Variants in TAF1 observed in about 807,000 individuals in gnomAD.
TAF1 encodes transcription initiation factor TFIID subunit 1.
TAF1 carries 2 observed loss-of-function variants against 138.5 expected under a neutral mutation model. The ratio of observed to expected loss-of-function variants is 0.01; its 90% CI spans 0.01 to 0.05. TAF1 has a LOEUF of 0.05. Among genes scored for constraint, TAF1 ranks in the 10% least tolerant of loss-of-function variants. TAF1 has a pLI of 1.00. For synonymous variants in TAF1, 437 were observed against 503.2 expected (o/e 0.87, Z 1.76); for missense variants, 709 against 1,478.0 (o/e 0.48, Z 8.53).
chrX:71,387,171 G>A, intron 14 of TAF1, 90 bp from the exon 15 acceptor site: 2 of 933,347 alleles, frequency 2.1e-6, no homozygotes, highest in East Asian at 3.1e-5. Context: ...TTAAGATGGA[G>A]AGCAATAAGC....
chrX:71,398,740 A>G lies in TAF1; in HGVS notation c.3786+3A>G, dbSNP rs1786812170. The stretch of plus-strand genomic sequence containing the variant: ...TGAAGGAGCGTCCTGACCTAAAAGT[A>G]AGTATAATGTGGTGTGATTACAGCT... On this transcript the variant is annotated splice_donor_region_variant and intron_variant, in intron 24 of 37. Transcript: ENST00000423759. 1 of 1,198,329 alleles carries G rather than the reference A, an allele frequency of 8.3e-7. No homozygotes were observed. The highest frequency in any genetic ancestry group is 1.1e-6 in the Non-Finnish European group (1 of 891,048).
At chrX:71,407,308 C>A (rs2035526805) in intron 26 of TAF1, among the ~76,000 whole-genome samples, 1 of 105,799 alleles carries the variant, frequency 9.5e-6, no homozygotes, top group African/African-American at 3.5e-5. Flanking sequence ...CCCTTTGCCT[C>A]CCAGGTTCAA....
In TAF1 at chrX:71,479,432, C is replaced by T. The variant is rs184969690; in HGVS notation, c.1366+18629C>T. On this transcript the variant is annotated intron_variant and NMD_transcript_variant, in intron 13 of 14. Transcript: ENST00000373775. ...ACTAAAAATACAAAAATTAGCCGGG[C>T]GTGGTGGCGCATGCCTGCAGTCCTA... is the stretch of plus-strand genomic sequence containing the variant. 4.4e-4 allele frequency among the ~76,000 whole-genome samples: 49 copies of T among 111,088 alleles called. 1 individual carries two copies. The highest frequency in any genetic ancestry group is 1.6e-3 in the African/African-American group (48 of 30,599).
At chrX:71,436,290 A>C (rs1444285860) in intron 32 of TAF1, among the ~76,000 whole-genome samples, 1 of 98,329 alleles carries the variant, frequency 1.0e-5, no homozygotes, top group African/African-American at 3.8e-5. Flanking sequence ...ATCTCGGCTC[A>C]CTGCAAGCTC....
intron 37 of TAF1, among the ~76,000 whole-genome samples, chrX:71,462,830 G>T (rs1318264177): frequency 3.6e-5 from 4 of 111,029 alleles, no homozygotes; most frequent in Non-Finnish European, 7.5e-5. Context: ...ATCCCCTTTG[G>T]CCCAAAAAAT....
intron 34 of TAF1, among the ~76,000 whole-genome samples, chrX:71,455,725 A>G (rs760084162): frequency 1.8e-5 from 2 of 112,437 alleles, no homozygotes; most frequent in East Asian, 2.8e-4. Context: ...TTTGCCTGAC[A>G]CATCTTTATC....
chrX:71,399,683 C>T (rs774069601), intron 24 of TAF1, among the ~76,000 whole-genome samples: 26 of 106,497 alleles, frequency 2.4e-4, no homozygotes, highest in Non-Finnish European at 4.1e-4. Flanking sequence ...GCGATTCTTG[C>T]GCCTCAGCCT....
At chrX:71,510,534 C>T (rs2039712683) in intron 13 of TAF1, among the ~76,000 whole-genome samples, 2 of 111,558 alleles carry the variant, frequency 1.8e-5, no homozygotes, top group South Asian at 3.7e-4. Context: ...CAGATGGTGC[C>T]GCTATCAAGC....
chrX:71,417,848 C>G (rs2036107896), intron 28 of TAF1, among the ~76,000 whole-genome samples: 1 of 111,270 alleles, frequency 9.0e-6, no homozygotes, highest in Non-Finnish European at 1.9e-5. Flanking sequence ...CAATATATTC[C>G]TCTATTTATA....
chrX:71,501,285 G>A (rs1457040776), intron 13 of TAF1, among the ~76,000 whole-genome samples: 1 of 109,774 alleles, frequency 9.1e-6, no homozygotes, highest in Admixed American at 9.9e-5. Flanking sequence ...ATTCCAGATA[G>A]TGTCCCCCCA....
chrX:71,449,640 G>A (rs2037862713), intron 32 of TAF1, among the ~76,000 whole-genome samples: 1 of 112,399 alleles, frequency 8.9e-6, no homozygotes, highest in African/African-American at 3.2e-5. Context: ...TAATTTATAG[G>A]CTGGGGTTTT....
chrX:71,381,618 C>T (rs1569281102), intron 8 of TAF1, 125 bp from the exon 9 acceptor site: 1 of 728,504 alleles, frequency 1.4e-6, no homozygotes, highest in Non-Finnish European at 2.0e-6. Context: ...TTTCAGTGGA[C>T]ACATGAATAA....
intron 30 of TAF1, 84 bp from the exon 31 acceptor site, chrX:71,423,890 G>T: frequency 1.3e-6 from 1 of 752,281 alleles, no homozygotes; most frequent in Non-Finnish European, 1.9e-6. Flanking sequence ...CTTTTTTTAG[G>T]AATATTTGTA....
Position 71,423,021 on chromosome X carries a change from C to T in TAF1, c.4453-96C>T, listed in dbSNP as rs950251064. ...CCTCCCAAAGTGCTGGGATTACAGG[C>T]GTGAGCCACCACGCCCGGCAAATTG... is the stretch of plus-strand genomic sequence containing the variant. On this transcript the variant is annotated intron_variant, in intron 29 of 37. Coordinates refer to ENST00000423759, the MANE Select transcript of TAF1 (RefSeq NM_004606.5). 5.4e-6 allele frequency: 6 copies of T among 1,116,340 alleles called. No individual in the cohort carries two copies. The Middle Eastern group carries it at 1.2e-3, about 214-fold the overall frequency. 92.0% of individuals were successfully genotyped at this position (1,116,340 alleles called of 1,213,427 possible). A position where few individuals can be genotyped will look rare whatever the true frequency, so the allele number is the denominator to read the frequency against.
chrX:71,366,502 GGTGGGCGTGGGGGTAGGGCTC>G lies in TAF1; in HGVS notation c.120+10_120+30del. ...GAAAGCGTCTTGGATGATGTGAGGG[GGTGGGCGTGGGGGTAGGGCTC>G]GGGGGGTGGGGCTAAGCAGAGGAAG... On this transcript the variant is annotated intron_variant, in intron 1 of 37. Coordinates refer to ENST00000423759, the MANE Select transcript of TAF1 (RefSeq NM_004606.5). 1 of 1,112,970 alleles carries G rather than the reference GGTGGGCGTGGGGGTAGGGCTC, an allele frequency of 9.0e-7. No homozygotes were observed. The highest frequency in any genetic ancestry group is 2.8e-5 in the Admixed American group (1 of 35,555). The allele number at this position is 1,112,970 out of a possible 1,213,427, so 91.7% of individuals were successfully genotyped here. A position where few individuals can be genotyped will look rare whatever the true frequency, so the allele number is the denominator to read the frequency against.
chrX:71,447,501 G>A (rs1463890422), intron 32 of TAF1, among the ~76,000 whole-genome samples: 3 of 110,637 alleles, frequency 2.7e-5, no homozygotes, highest in Non-Finnish European at 5.7e-5. Flanking sequence ...TCAGGAGTTC[G>A]AGACCAGCCT....
At chrX:71,525,191 G>A (rs955049055) in intron 13 of TAF1, among the ~76,000 whole-genome samples, 5 of 109,043 alleles carry the variant, frequency 4.6e-5, no homozygotes, top group Non-Finnish European at 7.6e-5. Flanking sequence ...ACAGGCACCC[G>A]CCACCACACC....
intron 28 of TAF1, among the ~76,000 whole-genome samples, chrX:71,409,554 T>C (rs1313206145): frequency 1.8e-5 from 2 of 112,017 alleles, no homozygotes. Context: ...GGAGTACAGA[T>C]AGAGTGTAAA....
At chrX:71,439,670 C>T (rs917755890) in intron 32 of TAF1, among the ~76,000 whole-genome samples, 2 of 111,981 alleles carry the variant, frequency 1.8e-5, no homozygotes, top group Non-Finnish European at 3.8e-5. Flanking sequence ...TATAGGGTAG[C>T]CCTGTTCCGC....
Sources: gnomAD v4.1 joint callset for allele counts (sites outside exome capture counted in the v4.1 genomes callset) on GRCh38, gnomAD v4.1.1 for gene constraint, MANE v1.5 for transcripts, NCBI Gene and HGNC (gene_info 2026-07-23, HGNC 2026-07-21) for gene names.